Variants in ZFPM2 observed in about 807,000 individuals in gnomAD.
ZFPM2 encodes zinc finger protein ZFPM2.
A neutral mutation model predicts 98.6 loss-of-function variants in ZFPM2; 20 were observed. The ratio of observed to expected loss-of-function variants is 0.20; its 90% CI spans 0.14 to 0.29. The LOEUF (loss-of-function observed/expected upper bound fraction) is 0.29. Ranked by LOEUF, ZFPM2 falls within the 10% of genes least tolerant of loss-of-function variation. The pLI, the probability that ZFPM2 is intolerant of heterozygous loss-of-function variation, is 1.00. For synonymous variants in ZFPM2, 518 were observed against 502.7 expected (o/e 1.03, Z -0.41); for missense variants, 1,310 against 1,388.6 (o/e 0.94, Z 0.90).
chr8:105,779,763 G>C (rs1813199416), intron 5 of ZFPM2, among the ~76,000 whole-genome samples: 1 of 152,140 alleles, frequency 6.6e-6, no homozygotes, highest in East Asian at 1.9e-4. Context: ...TATCAGCAGA[G>C]GTCTGCATGA....
At position 105,801,338 on chromosome 8, in the gene ZFPM2, A is replaced by C. The variant is rs749001610; in HGVS notation, c.1256A>C (p.Glu419Ala). 11 of 1,613,834 alleles carry C rather than the reference A, an allele frequency of 6.8e-6. No individual in the cohort carries two copies. Among genetic ancestry groups the C allele is most frequent in the Non-Finnish European group, 9.3e-6 (11 of 1,179,880 alleles). Residue 419 changes from glutamate (E) to alanine (A), a missense_variant, in exon 8 of 8, where the codon GAA (glutamate) becomes GCA (alanine). Transcript: ENST00000407775. ...QPATDLLTRSELPQSQKAMQT... is the reference protein window; with the variant it reads ...QPATDLLTRSALPQSQKAMQT... The stretch of plus-strand genomic sequence containing the variant: ...GCCACAGACTTATTGACCAGAAGCG[A>C]ACTTCCCCAGAGCCAAAAGGCCATG...
chr8:105,710,422 C>G (rs1471184542), intron 5 of ZFPM2, among the ~76,000 whole-genome samples: 1 of 151,896 alleles, frequency 6.6e-6, no homozygotes, highest in Admixed American at 6.6e-5. Context: ...ATTTCATTGG[C>G]CTAAGCAAGT....
intron 5 of ZFPM2, among the ~76,000 whole-genome samples, chr8:105,641,914 A>G (rs538056863): frequency 8.4e-4 from 128 of 152,210 alleles, no homozygotes; most frequent in Middle Eastern, 3.4e-3. Flanking sequence ...TCCATGCATG[A>G]ATGAAGCTTC....
At chr8:105,421,770 G>C (rs534561852) in intron 2 of ZFPM2, among the ~76,000 whole-genome samples, 1 of 152,128 alleles carries the variant, frequency 6.6e-6, no homozygotes, top group Non-Finnish European at 1.5e-5. Flanking sequence ...AAGAGTAGAA[G>C]TTGCCAGGCC....
At position 105,801,953 on chromosome 8, in the gene ZFPM2, C is replaced by A; in HGVS notation, c.1871C>A (p.Ser624Tyr). 1.9e-6 allele frequency: 3 copies of A among 1,613,896 alleles called. No individual in the cohort carries two copies. Among genetic ancestry groups the A allele is most frequent in the Non-Finnish European group, 1.7e-6 (2 of 1,179,860 alleles). ...ADPENPLLQT[S>Y]CINSSTVLDL... ...CCTGAGAATCCACTTCTTCAAACATCTTGCATCAATTCTTCCACTGTCTTA... is the reference window on the plus strand; with the variant it reads ...CCTGAGAATCCACTTCTTCAAACATATTGCATCAATTCTTCCACTGTCTTA... The change falls in exon 8 of 8, where the codon TCT (serine) becomes TAT (tyrosine). Residue 624 changes from serine to tyrosine, a missense_variant. By Grantham distance (144) the Ser-to-Tyr change is moderately radical. Transcript: ENST00000407775.
intron 5 of ZFPM2, among the ~76,000 whole-genome samples, chr8:105,721,259 G>A (rs747177175): frequency 2.0e-5 from 3 of 151,892 alleles, no homozygotes; most frequent in African/African-American, 4.8e-5. Flanking sequence ...GAAAAAAATC[G>A]TGTTTAAGTG....
At chr8:105,667,068 G>C (rs1817502681) in intron 5 of ZFPM2, among the ~76,000 whole-genome samples, 1 of 152,100 alleles carries the variant, frequency 6.6e-6, no homozygotes, top group Non-Finnish European at 1.5e-5. Flanking sequence ...AAGAATGTCT[G>C]ACATACAAAT....
intron 4 of ZFPM2, among the ~76,000 whole-genome samples, chr8:105,572,681 G>C (rs1815383938): frequency 6.6e-6 from 1 of 151,794 alleles, no homozygotes; most frequent in Non-Finnish European, 1.5e-5. Context: ...TGGTCAGGCT[G>C]GTCTCGAAGA....
chr8:105,588,489 C>G (rs1366711751), intron 4 of ZFPM2, among the ~76,000 whole-genome samples: 3 of 151,968 alleles, frequency 2.0e-5, no homozygotes, highest in Non-Finnish European at 2.9e-5. Flanking sequence ...TTTCTCTTCT[C>G]CCTCCAGTTT....
At chr8:105,586,850 A>ATATATATATATTT (rs1563731573) in intron 4 of ZFPM2, among the ~76,000 whole-genome samples, 2 of 120,966 alleles carry the variant, frequency 1.7e-5, no homozygotes, top group African/African-American at 6.6e-5. Flanking sequence ...TAAATATTTT[A>ATATATATATATTT]TATATATATA....
At chr8:105,563,464 C>T (rs1481553028) in intron 4 of ZFPM2, among the ~76,000 whole-genome samples, 3 of 152,106 alleles carry the variant, frequency 2.0e-5, no homozygotes, top group Admixed American at 2.0e-4. Flanking sequence ...ACAAGTTGAC[C>T]TTACAGTCCA....
At position 105,645,085 on chromosome 8, in the gene ZFPM2, A is replaced by G. The variant is rs138053588; in HGVS notation, c.532+10728A>G. Among the ~76,000 whole-genome samples the G allele has an allele frequency of 1.1e-3, 174 of 152,286 alleles. No homozygotes were observed. In the Middle Eastern group the frequency reaches 0.014, roughly 12 times the overall value. ...AGGGATTTTTTTTTCTGTTTTTTAA[A>G]CAGTGCATGGCACATAATAGCTGCT... On this transcript the variant is annotated intron_variant, in intron 5 of 7. Coordinates refer to ENST00000407775, the MANE Select transcript of ZFPM2 (RefSeq NM_012082.4).
intron 5 of ZFPM2, among the ~76,000 whole-genome samples, chr8:105,653,663 A>G (rs768323396): frequency 2.6e-5 from 4 of 152,136 alleles, no homozygotes; most frequent in Admixed American, 6.6e-5. Context: ...TTAACAGAAA[A>G]GGTACACTGT....
intron 3 of ZFPM2, among the ~76,000 whole-genome samples, chr8:105,469,999 A>G (rs182227599): frequency 6.6e-6 from 1 of 152,348 alleles, no homozygotes; most frequent in East Asian, 1.9e-4. Context: ...TACTTAAAAT[A>G]TTAGCCATTG....
At chr8:105,433,385 T>C (rs1381531437) in intron 2 of ZFPM2, among the ~76,000 whole-genome samples, 1 of 152,200 alleles carries the variant, frequency 6.6e-6, no homozygotes, top group African/African-American at 2.4e-5. Flanking sequence ...ATCAATACTT[T>C]AATTGTGACT....
intron 1 of ZFPM2, among the ~76,000 whole-genome samples, chr8:105,369,137 C>T (rs4734858): frequency 1.3e-5 from 2 of 152,004 alleles, no homozygotes; most frequent in African/African-American, 4.8e-5. Context: ...TTTGCTCCTA[C>T]ATTTAACTGG....
At chr8:105,437,840 C>G (rs1045188287) in intron 2 of ZFPM2, among the ~76,000 whole-genome samples, 3 of 151,982 alleles carry the variant, frequency 2.0e-5, no homozygotes, top group African/African-American at 7.2e-5. Flanking sequence ...GTCAGGAGTT[C>G]GTGACCAGCC....
At chr8:105,750,922 G>A (rs967583629) in intron 5 of ZFPM2, among the ~76,000 whole-genome samples, 2 of 152,090 alleles carry the variant, frequency 1.3e-5, no homozygotes, top group Non-Finnish European at 2.9e-5. Context: ...CCCAGGATAT[G>A]TTAACACTAC....
chr8:105,505,262 C>T (rs1290760429), intron 3 of ZFPM2, among the ~76,000 whole-genome samples: 3 of 152,066 alleles, frequency 2.0e-5, no homozygotes, highest in South Asian at 4.2e-4. Flanking sequence ...CACAGTAGAT[C>T]GTCTATAAAT....
Sources: gnomAD v4.1 joint callset for allele counts (sites outside exome capture counted in the v4.1 genomes callset) on GRCh38, gnomAD v4.1.1 for gene constraint, MANE v1.5 for transcripts, NCBI Gene and HGNC (gene_info 2026-07-23, HGNC 2026-07-21) for gene names.